Variants in ZDHHC14 observed in about 807,000 individuals in gnomAD.
ZDHHC14 encodes palmitoyltransferase ZDHHC14.
ZDHHC14 carries 16 observed loss-of-function variants against 47.7 expected under a neutral mutation model. That is an observed-to-expected ratio of 0.34 (90% CI 0.23 to 0.51). The LOEUF is 0.51. ZDHHC14 is among the 20% of genes least tolerant of loss of function. ZDHHC14 has a pLI of 0.97. For missense variants in ZDHHC14, 515 were observed against 662.5 expected (o/e 0.78, Z 2.44); for synonymous variants, 293 against 278.9 (o/e 1.05, Z -0.50).
rs1052354292 is a variant in ZDHHC14, at chr6:157,427,807, A to G, written c.245+45541A>G. On this transcript the variant is annotated intron_variant, in intron 1 of 8. Transcript: ENST00000359775. This position sits in a 1 kb window ranked among gnomAD's most constrained non-coding sequence, Gnocchi z 4.4. ...GGAGTGTGGAAACAGGTTTTCATCA[A>G]GATCCTTTCCATGACATTGTGGCCC... is the stretch of plus-strand genomic sequence containing the variant. Among the ~76,000 whole-genome samples the G allele has an allele frequency of 1.2e-4, 19 of 152,298 alleles. No individual in the cohort carries two copies. Among genetic ancestry groups the G allele is most frequent in the African/African-American group, 4.1e-4 (17 of 41,538 alleles).
chr6:157,382,429 T>C (rs1777233167), intron 1 of ZDHHC14, among the ~76,000 whole-genome samples, 163 bp downstream of exon 1: 1 of 152,132 alleles, frequency 6.6e-6, no homozygotes, highest in Non-Finnish European at 1.5e-5. Context: ...TCTGATTGCT[T>C]TTGGGCCCCC....
At chr6:157,497,621 C>T (rs546921091) in intron 1 of ZDHHC14, among the ~76,000 whole-genome samples, 21 of 152,118 alleles carry the variant, frequency 1.4e-4, no homozygotes, top group Non-Finnish European at 2.6e-4. Flanking sequence ...GGGATGTGAC[C>T]GTCTGAGATC....
intron 1 of ZDHHC14, among the ~76,000 whole-genome samples, chr6:157,491,052 C>T (rs1779901304): frequency 6.6e-6 from 1 of 152,190 alleles, no homozygotes; most frequent in South Asian, 2.1e-4. Context: ...ATGCCTGTCA[C>T]TGGCTGGCAT....
chr6:157,639,454 G>A (rs933275420), intron 5 of ZDHHC14, among the ~76,000 whole-genome samples: 1 of 152,092 alleles, frequency 6.6e-6, no homozygotes, highest in African/African-American at 2.4e-5. Flanking sequence ...ACAGGCGCTC[G>A]CCACCAAGCC....
intron 1 of ZDHHC14, among the ~76,000 whole-genome samples, chr6:157,390,412 C>G (rs1194248260): frequency 1.3e-5 from 2 of 152,122 alleles, no homozygotes; most frequent in Admixed American, 6.5e-5. Flanking sequence ...GTTTGCCGAG[C>G]TTCTTGGATC....
intron 3 of ZDHHC14, among the ~76,000 whole-genome samples, chr6:157,626,048 A>G (rs1785397997): frequency 6.6e-6 from 1 of 152,174 alleles, no homozygotes; most frequent in Non-Finnish European, 1.5e-5. Flanking sequence ...AGCTGTTATT[A>G]AACTTTCTAA....
chr6:157,410,232 T>C (rs967970374), intron 1 of ZDHHC14, among the ~76,000 whole-genome samples: 2 of 152,178 alleles, frequency 1.3e-5, no homozygotes, highest in South Asian at 2.1e-4. Flanking sequence ...TTTTTGTTTT[T>C]TCATGGATTC....
intron 2 of ZDHHC14, among the ~76,000 whole-genome samples, chr6:157,543,658 C>T (rs895253990): frequency 1.4e-4 from 22 of 152,314 alleles, no homozygotes; most frequent in African/African-American, 5.1e-4. Context: ...CCTACCATTC[C>T]CCAAGTACTA....
chr6:157,621,187 A>C (rs547110486), intron 3 of ZDHHC14, among the ~76,000 whole-genome samples: 2 of 152,290 alleles, frequency 1.3e-5, no homozygotes, highest in Admixed American at 1.3e-4. Flanking sequence ...TCCTTCAGCT[A>C]GTTTAATATT....
intron 2 of ZDHHC14, among the ~76,000 whole-genome samples, chr6:157,560,845 G>A (rs1475714309): frequency 2.0e-5 from 3 of 152,182 alleles, no homozygotes; most frequent in Non-Finnish European, 4.4e-5. Flanking sequence ...GAAGCATTAT[G>A]AGGAACGGAT....
intron 1 of ZDHHC14, among the ~76,000 whole-genome samples, chr6:157,395,421 C>T (rs1777502051): frequency 6.6e-6 from 1 of 151,750 alleles, no homozygotes; most frequent in Non-Finnish European, 1.5e-5. Flanking sequence ...CCACTTCGGC[C>T]TCCCAAAGTG....
At chr6:157,516,296 G>A (rs903138271) in intron 1 of ZDHHC14, among the ~76,000 whole-genome samples, 3 of 152,230 alleles carry the variant, frequency 2.0e-5, no homozygotes, top group African/African-American at 4.8e-5. Context: ...TAGCGATGCT[G>A]TGAACATCCG....
At chr6:157,511,803 G>A (rs1045242059) in intron 1 of ZDHHC14, among the ~76,000 whole-genome samples, 2 of 151,970 alleles carry the variant, frequency 1.3e-5, no homozygotes, top group South Asian at 2.1e-4. Flanking sequence ...TACAGTTATC[G>A]TCCATTATGA....
At chr6:157,668,635 G>A (rs916887008) in intron 8 of ZDHHC14, among the ~76,000 whole-genome samples, 3 of 152,156 alleles carry the variant, frequency 2.0e-5, no homozygotes, top group African/African-American at 7.2e-5. Context: ...AGGAGGCAGA[G>A]GCTGCAGTGA....
intron 5 of ZDHHC14, among the ~76,000 whole-genome samples, chr6:157,642,016 T>C (rs1777272556): frequency 6.9e-6 from 1 of 145,504 alleles, no homozygotes; most frequent in African/African-American, 2.5e-5. Flanking sequence ...CTTTTGTGTA[T>C]ATTTTGAAGA....
At chr6:157,669,374 CCA>C (rs1188450473) in intron 8 of ZDHHC14, among the ~76,000 whole-genome samples, 1 of 151,926 alleles carries the variant, frequency 6.6e-6, no homozygotes, top group Non-Finnish European at 1.5e-5. Flanking sequence ...CCACCTCTCC[CCA>C]GAGAGGAAAG....
chr6:157,548,459 G>A (rs764333375), intron 2 of ZDHHC14, among the ~76,000 whole-genome samples: 3 of 150,890 alleles, frequency 2.0e-5, no homozygotes, highest in Non-Finnish European at 2.9e-5. Flanking sequence ...TTGTTTGTTT[G>A]TTTTGAGACT....
chr6:157,624,187 A>C (rs1021336130), intron 3 of ZDHHC14, among the ~76,000 whole-genome samples: 3 of 152,126 alleles, frequency 2.0e-5, no homozygotes, highest in Admixed American at 6.5e-5. Context: ...CCAACTTTCT[A>C]TCCTGGACAC....
chr6:157,572,649 C>T (rs1184651383), intron 2 of ZDHHC14, among the ~76,000 whole-genome samples: 1 of 120,768 alleles, frequency 8.3e-6, no homozygotes, highest in Non-Finnish European at 1.7e-5. Context: ...CCCCCCGCCC[C>T]CCACCCCACA....
Sources: gnomAD v4.1 joint callset for allele counts (sites outside exome capture counted in the v4.1 genomes callset) on GRCh38, gnomAD v4.1.1 for gene constraint, Gnocchi (gnomAD v3.1) non-coding constraint, MANE v1.5 for transcripts, NCBI Gene and HGNC (gene_info 2026-07-23, HGNC 2026-07-21) for gene names.